Variants in CHD8 observed in about 807,000 individuals in gnomAD.
CHD8 encodes the protein ATP-dependent chromatin remodeler CHD8.
CHD8 carries 31 observed loss-of-function variants against 279.2 expected under a neutral mutation model. The ratio of observed to expected loss-of-function variants is 0.11; its 90% CI spans 0.08 to 0.15. The LOEUF is 0.15. CHD8 is among the 10% of genes least tolerant of loss of function. The pLI is 1.00. For synonymous variants in CHD8, 1,081 were observed against 1,139.6 expected (o/e 0.95, Z 1.04); for missense variants, 2,146 against 3,230.5 (o/e 0.66, Z 8.14).
intron 30 of CHD8, 31 bp from the exon 31 acceptor site, chr14:21,394,516 CAGA>C (rs1887687437): frequency 1.5e-6 from 2 of 1,360,850 alleles, no homozygotes; most frequent in South Asian, 1.3e-5. Context: ...CAACAATAAT[CAGA>C]AGAACACATC....
In CHD8 at chr14:21,391,053, T is replaced by C; in HGVS notation, c.7076A>G (p.Asp2359Gly). The change falls in exon 37 of 38, where the codon GAT becomes GGT. Residue 2359 changes from aspartate (D) to glycine (G), a missense_variant. Around this residue, in one of 26 missense-constraint regions of CHD8, gnomAD observed 336 missense variants for 392.9 expected, o/e 0.86. Transcript: ENST00000646647. ...VDPRFLAYME[D>G]RRKQKWQRCK... ...TCTTTGCCACTTCTGTTTTCTGCGATCCTCCATATACTGCAATAGAAAAAA... is the reference window on the plus strand; with the variant it reads ...TCTTTGCCACTTCTGTTTTCTGCGACCCTCCATATACTGCAATAGAAAAAA... The C allele has an allele frequency of 1.3e-6, 2 of 1,573,782 alleles. No individual in the cohort carries two copies. Among genetic ancestry groups the C allele is most frequent in the East Asian group, 4.5e-5 (2 of 44,118 alleles).
chr14:21,394,298 G>A lies in CHD8; in HGVS notation c.5578C>T (p.Leu1860Phe), dbSNP rs1454077550. The A allele has an allele frequency of 1.2e-6, 2 of 1,614,002 alleles. No individual in the cohort carries two copies. The highest frequency in any genetic ancestry group is 1.7e-6 in the Non-Finnish European group (2 of 1,179,898). Residue 1860 changes from leucine to phenylalanine, a missense_variant, in exon 31 of 38, where the codon CTT becomes TTT. Around this residue, in one of 26 missense-constraint regions of CHD8, gnomAD observed 513 missense variants for 637.6 expected, o/e 0.80. Transcript: ENST00000646647. ...FVAMCRQVCR[L>F]PPAAGDEPPD... Reference sequence around the variant, plus strand: ...TTACCATCTCCAGCTGCTGGGGGAAGGCGGCATACTTGGCGGCACATGGCC... The same window carrying A: ...TTACCATCTCCAGCTGCTGGGGGAAAGCGGCATACTTGGCGGCACATGGCC...
Position 21,393,704 on chromosome 14 carries a change from C to T in CHD8, c.6091G>A (p.Val2031Met). 1 of 1,613,978 alleles carries T rather than the reference C, an allele frequency of 6.2e-7. No homozygotes were observed. The highest frequency in any genetic ancestry group is 8.5e-7 in the Non-Finnish European group (1 of 1,179,890). Residue 2031 changes from valine (V) to methionine (M), a missense_variant, in exon 32 of 38, where the codon GTG becomes ATG. Val to Met is a conservative substitution (Grantham distance 21). Around this residue, in one of 26 missense-constraint regions of CHD8, gnomAD observed 513 missense variants for 637.6 expected, o/e 0.80. Transcript: ENST00000646647. ...SLTLKLEHEVVARSRPTPQDY... is the reference protein window; with the variant it reads ...SLTLKLEHEVMARSRPTPQDY... ...TGTGGGGTTGGTCGGCTCCTGGCCA[C>T]CACCTCGTGCTCTAGCTTTAAAGTC...
chr14:21,409,357 G>A (rs368167775), intron 11 of CHD8, among the ~76,000 whole-genome samples: 5 of 152,116 alleles, frequency 3.3e-5, no homozygotes, highest in African/African-American at 4.8e-5. Context: ...AAATTATAAC[G>A]GAGGGAGAGG....
At position 21,400,145 on chromosome 14, in the gene CHD8, G is replaced by C. The variant is rs750480833; in HGVS notation, c.4727+6C>G. On this transcript the variant is annotated splice_donor_region_variant and intron_variant, in intron 24 of 37. Transcript: ENST00000646647. The surrounding 1 kb of genome is among the most constrained non-coding windows in gnomAD (Gnocchi z 4.2). ...GGTGGAAAATGTCTGCTAATTCTAT[G>C]CTTACTTGTTACACTGATGTTTCAA... is the stretch of plus-strand genomic sequence containing the variant. 1.2e-5 allele frequency: 19 copies of C among 1,613,574 alleles called. No individual in the cohort carries two copies. Among genetic ancestry groups the C allele is most frequent in the Non-Finnish European group, 1.5e-5 (18 of 1,179,724 alleles).
intron 30 of CHD8, 105 bp downstream of exon 30, chr14:21,394,807 G>T: frequency 8.3e-7 from 1 of 1,207,128 alleles, no homozygotes; most frequent in Non-Finnish European, 1.2e-6. Context: ...CAGAAAAGAT[G>T]GTCCCTCTGT....
rs1479070583 is a variant in CHD8, at chr14:21,414,993, G to A, written c.1969C>T (p.Leu657Phe). ...VLSMRIVKKE[L>F]PSGQYTEAEE... ...GCTTCAGTATATTGTCCAGAAGGGA[G>A]CTAAGAAAAAAGAAATAAATTAGTC... The change falls in exon 8 of 38, where the codon CTC becomes TTC. Residue 657 changes from leucine to phenylalanine, a missense_variant and splice_region_variant. By Grantham distance (22) the Leu-to-Phe change is conservative. Around this residue, in one of 26 missense-constraint regions of CHD8, gnomAD observed 24 missense variants for 56.7 expected, o/e 0.42. Transcript: ENST00000646647. 1.3e-6 allele frequency: 2 copies of A among 1,584,504 alleles called. No homozygotes were observed. Among genetic ancestry groups the A allele is most frequent in the Non-Finnish European group, 1.7e-6 (2 of 1,162,392 alleles).
chr14:21,440,678 C>T (rs1473757662), intron 1 of CHD8, among the ~76,000 whole-genome samples: 1 of 152,120 alleles, frequency 6.6e-6, no homozygotes, highest in African/African-American at 2.4e-5. Context: ...GTAGTTCAGC[C>T]TTGCTAAAGT....
rs769223487 is a variant in CHD8, at chr14:21,394,146, G to C, written c.5649C>G (p.Ala1883=). ...ATTCTATACGGTAGAGAGTCCGTGAGGCTCTCTCCTCAGTGATGGGCTCAA... is the reference window on the plus strand; with the variant it reads ...ATTCTATACGGTAGAGAGTCCGTGACGCTCTCTCCTCAGTGATGGGCTCAA... ...LFIEPITEER[A]SRTLYRIELL... Residue 1883 remains alanine (A), a synonymous_variant, in exon 32 of 38, where the codon GCC becomes GCG. Transcript: ENST00000646647. The C allele has an allele frequency of 1.2e-6, 2 of 1,609,944 alleles. No homozygotes were observed. The highest frequency in any genetic ancestry group is 1.7e-6 in the Non-Finnish European group (2 of 1,177,202).
intron 5 of CHD8, among the ~76,000 whole-genome samples, chr14:21,417,770 C>T (rs1420349729): frequency 3.3e-5 from 5 of 150,040 alleles, no homozygotes; most frequent in South Asian, 2.1e-4. Flanking sequence ...AGGAGAATGG[C>T]GTGAACCTGG....
intron 1 of CHD8, among the ~76,000 whole-genome samples, chr14:21,439,343 C>A (rs1314725370): frequency 6.6e-6 from 1 of 152,204 alleles, no homozygotes; most frequent in Non-Finnish European, 1.5e-5. Context: ...TTCCCATTCA[C>A]TGTGGCTCAA....
chr14:21,430,851 T>C lies in CHD8; in HGVS notation c.793A>G (p.Thr265Ala). 1 of 1,599,326 alleles carries C rather than the reference T, an allele frequency of 6.3e-7. No individual in the cohort carries two copies. Among genetic ancestry groups the C allele is most frequent in the Non-Finnish European group, 8.5e-7 (1 of 1,179,644 alleles). ...ACTGCAGGCTTCAGTGGGGGCCCTGTGGCCCCAGGGTTTCCAGCAGGAGCT... is the reference window on the plus strand; with the variant it reads ...ACTGCAGGCTTCAGTGGGGGCCCTGCGGCCCCAGGGTTTCCAGCAGGAGCT... Reference protein sequence around the residue: ...GSAPAGNPGATGPPLKPAVTL... With the variant: ...GSAPAGNPGAAGPPLKPAVTL... Residue 265 changes from threonine (T) to alanine (A), a missense_variant, in exon 2 of 38, where the codon ACA becomes GCA. By Grantham distance (58) the Thr-to-Ala change is moderately conservative. Coordinates refer to ENST00000646647, the MANE Select transcript of CHD8 (RefSeq NM_001170629.2).
In CHD8 at chr14:21,400,188, C is replaced by T. The variant is rs1356662563; in HGVS notation, c.4690G>A (p.Glu1564Lys). 6.2e-7 allele frequency: 1 copy of T among 1,613,800 alleles called. No homozygotes were observed. Among genetic ancestry groups the T allele is most frequent in the Non-Finnish European group, 8.5e-7 (1 of 1,179,888 alleles). ...TGTTTCAAGTGCTTCTTATAACTTT[C>T]ATCTTGGAACAAAGTGTCAGGGTTA... ...KYNPDTLFQDESYKKHLKHQC... is the reference protein window; with the variant it reads ...KYNPDTLFQDKSYKKHLKHQC... The change falls in exon 24 of 38, where the codon GAA becomes AAA. Residue 1564 changes from glutamate (E) to lysine (K), a missense_variant. Physicochemically the swap from Glu to Lys is moderately conservative, Grantham distance 56. This residue lies in a region of CHD8 where 73 missense variants were observed against 153.2 expected (regional missense o/e 0.48). Transcript: ENST00000646647. The surrounding 1 kb of genome is among the most constrained non-coding windows in gnomAD (Gnocchi z 4.2).
Position 21,431,306 on chromosome 14 carries a change from G to A in CHD8, c.338C>T (p.Ser113Leu), listed in dbSNP as rs530700201. Reference protein sequence around the residue: ...EQPAQPVLQTSTPTSGLLQVS... With the variant: ...EQPAQPVLQTLTPTSGLLQVS... ...TTGCAAAAGTCCTGATGTTGGCGTC[G>A]ATGTCTGTAAGACAGGTTGGGCTGG... Residue 113 changes from serine to leucine, a missense_variant, in exon 2 of 38, where the codon TCG (serine) becomes TTG (leucine). Transcript: ENST00000646647. 4.0e-5 allele frequency: 62 copies of A among 1,555,372 alleles called. No individual in the cohort carries two copies. Among genetic ancestry groups the A allele is most frequent in the Admixed American group, 2.3e-4 (12 of 52,712 alleles).
intron 27 of CHD8, chr14:21,396,951 G>C (rs1193498041): frequency 6.1e-6 from 1 of 162,828 alleles, no homozygotes; most frequent in Non-Finnish European, 1.3e-5. Flanking sequence ...GCATCCAATG[G>C]AATACAAATA....
In CHD8 at chr14:21,400,312, G is replaced by A. The variant is rs1261874527; in HGVS notation, c.4571-5C>T. 1 of 1,613,666 alleles carries A rather than the reference G, an allele frequency of 6.2e-7. No individual in the cohort carries two copies. On this transcript the variant is annotated splice_polypyrimidine_tract_variant and splice_region_variant and intron_variant, in intron 23 of 37. Transcript: ENST00000646647. This position sits in a 1 kb window ranked among gnomAD's most constrained non-coding sequence, Gnocchi z 4.2. The stretch of plus-strand genomic sequence containing the variant: ...GAGGCACAGGGATAGATAGACCTGG[G>A]AAAGGGGAGACATCAAAGACTTGGA...
At chr14:21,392,124 A>C (rs1425336470) in intron 34 of CHD8, 178 bp from the exon 35 acceptor site, 2 of 760,678 alleles carry the variant, frequency 2.6e-6, no homozygotes, top group East Asian at 4.9e-5. Context: ...CTTTTTCCTT[A>C]GAAAGATTTC....
chr14:21,401,835 C>G (rs1411102859), intron 20 of CHD8, 122 bp downstream of exon 20: 1 of 927,458 alleles, frequency 1.1e-6, no homozygotes, highest in Admixed American at 2.6e-5. Flanking sequence ...ATCTGCCCGC[C>G]TCAGCCTCCC....
At chr14:21,454,200 A>G (rs1187644424) in intron 1 of CHD8, among the ~76,000 whole-genome samples, 1 of 151,720 alleles carries the variant, frequency 6.6e-6, no homozygotes, top group Non-Finnish European at 1.5e-5. Context: ...AAGAAAAGAA[A>G]AGAAAAGAAA....
Sources: allele counts gnomAD v4.1 joint callset (sites outside exome capture counted in the v4.1 genomes callset), GRCh38; gene constraint gnomAD v4.1.1; regional missense constraint gnomAD v4.1.1; non-coding constraint Gnocchi (gnomAD v3.1); transcripts MANE v1.5; gene names NCBI Gene and HGNC (gene_info 2026-07-23, HGNC 2026-07-21).